The following WDR44 variants were observed in gnomAD, a reference collection of about 807,000 sequenced individuals.
The protein encoded by WDR44 is WD repeat domain 44, also known as WD repeat-containing protein 44.
WDR44 carries 9 observed loss-of-function variants against 65.7 expected under a neutral mutation model. The ratio of observed to expected loss-of-function variants is 0.14; its 90% CI spans 0.08 to 0.24. The LOEUF (loss-of-function observed/expected upper bound fraction) is 0.24, where lower values mean the gene tolerates loss of function less well. WDR44 is among the 10% of genes least tolerant of loss of function. WDR44 has a pLI of 1.00. For missense variants in WDR44, 425 were observed against 670.9 expected, an observed-to-expected ratio of 0.63 and a Z score of 4.05; for synonymous variants, 220 against 235.2, an observed-to-expected ratio of 0.94 and a Z score of 0.59.
chrX:118,363,236 A>G (rs2056525735), intron 1 of WDR44, among the ~76,000 whole-genome samples: 1 of 105,644 alleles, frequency 9.5e-6, no homozygotes, highest in Non-Finnish European at 1.9e-5. Flanking sequence ...TGTCTCTACT[A>G]AAAAAAAATA....
At chrX:118,396,142 C>T (rs1197779978) in intron 6 of WDR44, among the ~76,000 whole-genome samples, 2 of 110,769 alleles carry the variant, frequency 1.8e-5, no homozygotes, top group African/African-American at 3.3e-5. Context: ...TAGTATGCAC[C>T]TATTAGCCAA....
intron 12 of WDR44, 100 bp from the exon 13 acceptor site, chrX:118,432,681 A>G (rs2057222315): frequency 1.4e-6 from 1 of 737,813 alleles, no homozygotes. Flanking sequence ...CAAGATTTCA[A>G]TCAGGCATCA....
At chrX:118,353,795 A>G (rs368940454) in intron 1 of WDR44, among the ~76,000 whole-genome samples, 1 of 112,128 alleles carries the variant, frequency 8.9e-6, no homozygotes, top group Non-Finnish European at 1.9e-5. Flanking sequence ...TATCATCACA[A>G]ACTAGCTAAA....
chrX:118,387,520 T>C (rs2056782220), intron 3 of WDR44, 106 bp downstream of exon 3: 2 of 417,015 alleles, frequency 4.8e-6, no homozygotes, highest in South Asian at 2.5e-4. Flanking sequence ...TGTACATGGC[T>C]GATGTTCAGC....
At chrX:118,387,542 G>T in intron 3 of WDR44, 128 bp downstream of exon 3, 1 of 361,958 alleles carries the variant, frequency 2.8e-6, no homozygotes, top group East Asian at 4.8e-5. Flanking sequence ...AATGTTTCAT[G>T]AATCTGTCAC....
rs374048514 is a variant in WDR44 at position 118,447,177 on chromosome X, T to G, written c.2648-1716T>G. On this transcript the variant is annotated intron_variant, in intron 19 of 19. Transcript: ENST00000254029. ...CATGAGACATCATACCTGGCCTTTT[T>G]TTCTTTTCTTTTCTTTTTTCCCCAG... The G allele has an allele frequency of 4.6e-5, 11 of 238,401 alleles. No individual in the cohort carries two copies. In the East Asian group the frequency reaches 6.6e-4, roughly 14 times the overall value. 19.6% of individuals were successfully genotyped at this position (238,401 alleles called of 1,213,427 possible). A position where few individuals can be genotyped will look rare whatever the true frequency, so the allele number is the denominator to read the frequency against.
chrX:118,384,340 C>G (rs2056747164), intron 2 of WDR44, among the ~76,000 whole-genome samples: 1 of 111,339 alleles, frequency 9.0e-6, no homozygotes, highest in African/African-American at 3.3e-5. Flanking sequence ...AGGGAAGAGA[C>G]AAAAAATAAG....
chrX:118,348,640 C>T (rs1290017644), intron 1 of WDR44, among the ~76,000 whole-genome samples: 1 of 111,564 alleles, frequency 9.0e-6, no homozygotes. Flanking sequence ...AGGTTAGCAT[C>T]ATTTACATTT....
intron 14 of WDR44, among the ~76,000 whole-genome samples, chrX:118,441,107 G>A (rs995770369): frequency 1.5e-4 from 16 of 107,886 alleles, no homozygotes; most frequent in African/African-American, 2.4e-4. Flanking sequence ...CTACAGCCGC[G>A]CACCACCATG....
intron 19 of WDR44, among the ~76,000 whole-genome samples, chrX:118,447,958 A>G (rs1246454580): frequency 2.0e-5 from 2 of 100,499 alleles, no homozygotes; most frequent in Admixed American, 1.1e-4. Context: ...GGCATGTAGT[A>G]GGCATTATTG....
intron 8 of WDR44, among the ~76,000 whole-genome samples, chrX:118,399,737 GACA>G (rs916759253): frequency 1.1e-4 from 12 of 111,306 alleles, no homozygotes; most frequent in African/African-American, 3.6e-4. Flanking sequence ...AGCAAACTGT[GACA>G]ACATGTAAGT....
intron 1 of WDR44, among the ~76,000 whole-genome samples, chrX:118,348,779 T>C (rs1172657475): frequency 8.9e-6 from 1 of 111,955 alleles, no homozygotes; most frequent in East Asian, 2.8e-4. Flanking sequence ...TTACTAGATA[T>C]TGGTCATCAG....
At chrX:118,368,686 A>G (rs1293895161) in intron 1 of WDR44, among the ~76,000 whole-genome samples, 1 of 88,168 alleles carries the variant, frequency 1.1e-5, no homozygotes, top group Non-Finnish European at 2.0e-5. Flanking sequence ...CACTAATCAT[A>G]TGAAGTAGCA....
At chrX:118,380,270 G>A (rs2056703087) in intron 2 of WDR44, among the ~76,000 whole-genome samples, 2 of 111,006 alleles carry the variant, frequency 1.8e-5, no homozygotes, top group African/African-American at 6.6e-5. Context: ...TGCAATGCGA[G>A]TGTATAGTTC....
intron 1 of WDR44, among the ~76,000 whole-genome samples, chrX:118,353,539 C>T (rs1847835012): frequency 8.9e-6 from 1 of 111,835 alleles, no homozygotes; most frequent in African/African-American, 3.2e-5. Flanking sequence ...TTTTTAAGTC[C>T]ACAAAACCTT....
At position 118,378,431 on chromosome X, in the gene WDR44, A is replaced by G; in HGVS notation, c.90A>G (p.Lys30=). ...TATTTCTGAACAGGTCTCCAGGAAA[A>G]GTTGGGCTTTCAACATTCAAGGTAA... is the stretch of plus-strand genomic sequence containing the variant. ...GGGYPVGSPG[K]VGLSTFKETE... Residue 30 remains lysine, a synonymous_variant, in exon 2 of 20, where the codon AAA becomes AAG. Transcript: ENST00000254029. The G allele has an allele frequency of 1.7e-6, 2 of 1,209,267 alleles. No homozygotes were observed. The highest frequency in any genetic ancestry group is 2.2e-6 in the Non-Finnish European group (2 of 893,973).
At chrX:118,435,075 C>T (rs1033529217) in intron 13 of WDR44, among the ~76,000 whole-genome samples, 6 of 111,009 alleles carry the variant, frequency 5.4e-5, no homozygotes, top group Non-Finnish European at 9.4e-5. Flanking sequence ...TATTTAATTT[C>T]GTTTATTTAA....
At chrX:118,423,177 T>G (rs1204886835) in intron 12 of WDR44, among the ~76,000 whole-genome samples, 2 of 110,279 alleles carry the variant, frequency 1.8e-5, no homozygotes, top group Non-Finnish European at 3.8e-5. Flanking sequence ...ATAAAGTTGT[T>G]TTTTTTTTGA....
At position 118,378,506 on chromosome X, in the gene WDR44, G is replaced by A. The variant is rs187890867; in HGVS notation, c.111+54G>A. On this transcript the variant is annotated intron_variant, in intron 2 of 19. Transcript: ENST00000254029. ...TTTAGAAATTGTATACTTTTTATTC[G>A]TGTTTTTGTGTAATTCTTCATTTTC... 746 of 1,095,708 alleles carry A rather than the reference G, an allele frequency of 6.8e-4. 4 individuals carry two copies. The African/African-American group carries it at 0.013, about 18-fold the overall frequency. 90.3% of individuals were successfully genotyped at this position (1,095,708 alleles called of 1,213,427 possible). A position where few individuals can be genotyped will look rare whatever the true frequency, so the allele number is the denominator to read the frequency against.
Sources: allele counts gnomAD v4.1 joint callset (sites outside exome capture counted in the v4.1 genomes callset), GRCh38; gene constraint gnomAD v4.1.1; transcripts MANE v1.5; gene names NCBI Gene and HGNC (gene_info 2026-07-23, HGNC 2026-07-21).